The following DBNL variants were observed in gnomAD, a reference collection of about 807,000 sequenced individuals.
DBNL encodes drebrin like.
In DBNL, 35 loss-of-function variants were observed where a neutral mutation model predicts 62.2. That is an observed-to-expected ratio of 0.56 (90% CI 0.43 to 0.75). DBNL has a LOEUF of 0.75. DBNL is among the 30% of genes least tolerant of loss of function. The pLI is 0.00. For missense variants in DBNL, 495 were observed against 578.4 expected (o/e 0.86, Z 1.48); for synonymous variants, 197 against 218.0 (o/e 0.90, Z 0.85).
At chr7:44,049,848 T>G (rs2128789929) in intron 1 of DBNL, 1 of 180,408 alleles carries the variant, frequency 5.5e-6, no homozygotes, top group Non-Finnish European at 1.2e-5. Context: ...ATATGTTTTG[T>G]CTCTTCAAAT....
intron 1 of DBNL, 67 bp from the exon 2 acceptor site, chr7:44,050,158 G>T: frequency 6.4e-7 from 1 of 1,559,296 alleles, no homozygotes; most frequent in Non-Finnish European, 8.8e-7. Context: ...GAAAGTCATG[G>T]TGGATACGGT....
intron 8 of DBNL, 149 bp downstream of exon 8, chr7:44,058,629 C>A: frequency 8.8e-7 from 1 of 1,130,892 alleles, no homozygotes; most frequent in African/African-American, 1.6e-5. Context: ...CAAGAGGTGG[C>A]AGTAGAGAGG....
chr7:44,064,635 A>C lies in DBNL; in HGVS notation c.*3719A>C. ...CTTCGAGTGCAGTCAGCCCCTGTGG[A>C]GTGTGTCCCAGTTACACAGAAATGG... On this transcript the variant is annotated 3_prime_UTR_variant, in exon 13 of 13. Coordinates refer to ENST00000448521, the MANE Select transcript of DBNL (RefSeq NM_001014436.3). The C allele has an allele frequency of 1.6e-6, 1 of 616,496 alleles. No individual in the cohort carries two copies. The highest frequency in any genetic ancestry group is 2.9e-6 in the Non-Finnish European group (1 of 343,692). 38.2% of individuals were successfully genotyped at this position (616,496 alleles called of 1,614,324 possible).
At position 44,059,956 on chromosome 7, in the gene DBNL, G is replaced by A. The variant is rs1046111048; in HGVS notation, c.1048-92G>A. 20 of 1,311,084 alleles carry A rather than the reference G, an allele frequency of 1.5e-5. No homozygotes were observed. In the Admixed American group the frequency reaches 2.0e-4, roughly 13 times the overall value. The allele number at this position is 1,311,084 out of a possible 1,614,324, so 81.2% of individuals were successfully genotyped here. ...AGCCTGTAGACTGCTTGCCCTCTGCGTACTCCCAGCTTGACCTGAGCCATG... is the reference window on the plus strand; with the variant it reads ...AGCCTGTAGACTGCTTGCCCTCTGCATACTCCCAGCTTGACCTGAGCCATG... On this transcript the variant is annotated intron_variant, in intron 11 of 12. Transcript: ENST00000448521. The surrounding 1 kb of genome is among the most constrained non-coding windows in gnomAD (Gnocchi z 4.1).
chr7:44,065,494 G>T lies in DBNL; in HGVS notation c.*4578G>T, dbSNP rs369660945. The T allele has an allele frequency of 1.2e-6, 2 of 1,614,028 alleles. No individual in the cohort carries two copies. Among genetic ancestry groups the T allele is most frequent in the Admixed American group, 3.3e-5 (2 of 60,030 alleles). ...GGTTCTCCTGGTTCCATGTGCTCTC[G>T]CCGTGCCGGACCATCACGAGGCGGT... On this transcript the variant is annotated 3_prime_UTR_variant, in exon 13 of 13. Coordinates refer to ENST00000448521, the MANE Select transcript of DBNL (RefSeq NM_001014436.3).
Position 44,067,819 on chromosome 7 carries a change from G to C in DBNL, c.*6903G>C, listed in dbSNP as rs2096162661. The C allele has an allele frequency of 6.6e-6, 1 of 152,278 alleles. No homozygotes were observed. The highest frequency in any genetic ancestry group is 2.1e-4 in the South Asian group (1 of 4,828). The allele number at this position is 152,278 out of a possible 1,614,324, so 9.4% of individuals were successfully genotyped here. ...TGGACAGATGCAGGAGCAGCTGTCA[G>C]TAGACAGATAAGAAAAGGAGATCAG... On this transcript the variant is annotated 3_prime_UTR_variant, in exon 13 of 13. Coordinates refer to ENST00000448521, the MANE Select transcript of DBNL (RefSeq NM_001014436.3).
intron 8 of DBNL, 198 bp downstream of exon 8, chr7:44,058,678 G>C (rs2096141776): frequency 1.2e-6 from 1 of 843,478 alleles, no homozygotes; most frequent in South Asian, 1.8e-5. Context: ...GACCACACCT[G>C]GTCCTGGGGG....
In DBNL at chr7:44,065,574, T is replaced by G; in HGVS notation, c.*4658T>G. 6.4e-7 allele frequency: 1 copy of G among 1,563,846 alleles called. No individual in the cohort carries two copies. The highest frequency in any genetic ancestry group is 1.1e-5 in the South Asian group (1 of 90,114). ...GAGGACTCTGGACGGGGACGGCTGC[T>G]TCCCAACACTCCCAGCTTTATAATA... On this transcript the variant is annotated 3_prime_UTR_variant, in exon 13 of 13. Coordinates refer to ENST00000448521, the MANE Select transcript of DBNL (RefSeq NM_001014436.3).
Position 44,060,096 on chromosome 7 carries a change from G to C in DBNL, c.1096G>C (p.Gly366Arg), listed in dbSNP as rs760384042. Reference sequence around the variant, plus strand: ...TGAGCACATTGACCACCACATTCAGGGCCAGGGGCTCAGTGGGCAAGGGCT... The same window carrying C: ...TGAGCACATTGACCACCACATTCAGCGCCAGGGGCTCAGTGGGCAAGGGCT... ...GSEHIDHHIQ[G>R]QGLSGQGLCA... Residue 366 changes from glycine (G) to arginine (R), a missense_variant, in exon 12 of 13, where the codon GGC (glycine) becomes CGC (arginine). Coordinates refer to ENST00000448521, the MANE Select transcript of DBNL (RefSeq NM_001014436.3). This position sits in a 1 kb window ranked among gnomAD's most constrained non-coding sequence, Gnocchi z 6.3. The C allele has an allele frequency of 3.1e-6, 5 of 1,613,542 alleles. No individual in the cohort carries two copies.
In DBNL at chr7:44,060,822, G is replaced by T; in HGVS notation, c.1199G>T (p.Gly400Val). The T allele has an allele frequency of 6.2e-7, 1 of 1,614,082 alleles. No homozygotes were observed. Among genetic ancestry groups the T allele is most frequent in the South Asian group, 1.1e-5 (1 of 91,074 alleles). ...TTTGACCCCGAGAACCTCATCACGG[G>T]CATCGAGGTGATCGACGAAGGCTGG... ...ISFDPENLIT[G>V]IEVIDEGWWR... The change falls in exon 13 of 13, where the codon GGC becomes GTC. Residue 400 changes from glycine (G) to valine (V), a missense_variant. Gly to Val is a moderately radical substitution (Grantham distance 109, BLOSUM62 -3). Transcript: ENST00000448521. The surrounding 1 kb of genome is among the most constrained non-coding windows in gnomAD (Gnocchi z 6.3).
At chr7:44,052,676 C>T (rs1304486882) in intron 3 of DBNL, among the ~76,000 whole-genome samples, 191 bp from the exon 4 acceptor site, 1 of 152,070 alleles carries the variant, frequency 6.6e-6, no homozygotes, top group African/African-American at 2.4e-5. Flanking sequence ...CCATCCTGCC[C>T]AGGGAGAATC....
intron 4 of DBNL, among the ~76,000 whole-genome samples, chr7:44,055,047 G>T (rs2096133725): frequency 6.6e-6 from 1 of 152,160 alleles, no homozygotes; most frequent in South Asian, 2.1e-4. Context: ...TGGACGTTTT[G>T]GTTGATTCCG....
Position 44,068,394 on chromosome 7 carries a change from A to C in DBNL, c.*7478A>C, listed in dbSNP as rs953294275. The C allele has an allele frequency of 6.6e-6, 1 of 152,276 alleles. No homozygotes were observed. 9.4% of individuals were successfully genotyped at this position (152,276 alleles called of 1,614,324 possible). A position where few individuals can be genotyped will look rare whatever the true frequency, so the allele number is the denominator to read the frequency against. ...ATTGGCTTGCTGCCAAGCTGCGCACAGGGCTGACCCTAGATGCACATTGCA... is the reference window on the plus strand; with the variant it reads ...ATTGGCTTGCTGCCAAGCTGCGCACCGGGCTGACCCTAGATGCACATTGCA... On this transcript the variant is annotated 3_prime_UTR_variant, in exon 13 of 13. Coordinates refer to ENST00000448521, the MANE Select transcript of DBNL (RefSeq NM_001014436.3).
chr7:44,064,717 T>C lies in DBNL; in HGVS notation c.*3801T>C, dbSNP rs2096155727. ...TCAGCCCTCCTTTTTCAGTGAATGA[T>C]GTGGAGCCCCACGCCTAGAAAGCCT... On this transcript the variant is annotated 3_prime_UTR_variant, in exon 13 of 13. Transcript: ENST00000448521. The C allele has an allele frequency of 2.2e-6, 2 of 911,734 alleles. No individual in the cohort carries two copies. 56.5% of individuals were successfully genotyped at this position (911,734 alleles called of 1,614,324 possible).
At chr7:44,049,242 C>T (rs915550125) in intron 1 of DBNL, among the ~76,000 whole-genome samples, 4 of 152,078 alleles carry the variant, frequency 2.6e-5, no homozygotes, top group South Asian at 2.1e-4. Context: ...CTGCAAGCCC[C>T]GCCTCCCGGG....
chr7:44,050,357 T>C, intron 2 of DBNL, 77 bp downstream of exon 2: 3 of 1,537,004 alleles, frequency 2.0e-6, no homozygotes, highest in Non-Finnish European at 2.7e-6. Flanking sequence ...CACTCAGCTG[T>C]CTTGGTCCAC....
chr7:44,050,613 A>T (rs2096124954), intron 2 of DBNL: 1 of 270,964 alleles, frequency 3.7e-6, no homozygotes, highest in Non-Finnish European at 7.4e-6. Flanking sequence ...AAGAAAGTCC[A>T]CAGACATATC....
chr7:44,059,131 C>T lies in DBNL; in HGVS notation c.835+148C>T. 1.0e-6 allele frequency: 1 copy of T among 954,772 alleles called. No homozygotes were observed. Among genetic ancestry groups the T allele is most frequent in the East Asian group, 2.6e-5 (1 of 38,214 alleles). 59.1% of individuals were successfully genotyped at this position (954,772 alleles called of 1,614,324 possible). A position where few individuals can be genotyped will look rare whatever the true frequency, so the allele number is the denominator to read the frequency against. On this transcript the variant is annotated intron_variant, in intron 9 of 12. Transcript: ENST00000448521. The surrounding 1 kb of genome is among the most constrained non-coding windows in gnomAD (Gnocchi z 4.1). Reference sequence around the variant, plus strand: ...AAGGGACACCTGGGGCCATTGACCTCATCAGTGACCACACTGGTCACCAGT... The same window carrying T: ...AAGGGACACCTGGGGCCATTGACCTTATCAGTGACCACACTGGTCACCAGT...
chr7:44,044,768 G>T lies in DBNL; in HGVS notation c.31G>T (p.Ala11Ser). Reference protein sequence around the residue: MAANLSRNGPALQEAYVRVVT... With the variant: MAANLSRNGPSLQEAYVRVVT... ...GGCGAACCTGAGCCGGAACGGGCCA[G>T]CGCTGCAAGAGGCCTACGTGCGGGT... is the stretch of plus-strand genomic sequence containing the variant. Residue 11 changes from alanine to serine, a missense_variant, in exon 1 of 13, where the codon GCG becomes TCG. Coordinates refer to ENST00000448521, the MANE Select transcript of DBNL (RefSeq NM_001014436.3). The T allele has an allele frequency of 2.0e-6, 3 of 1,509,148 alleles. No homozygotes were observed. Among genetic ancestry groups the T allele is most frequent in the Non-Finnish European group, 1.8e-6 (2 of 1,129,872 alleles). 93.5% of individuals were successfully genotyped at this position (1,509,148 alleles called of 1,614,324 possible). A position where few individuals can be genotyped will look rare whatever the true frequency, so the allele number is the denominator to read the frequency against.
Sources: allele counts gnomAD v4.1 joint callset (sites outside exome capture counted in the v4.1 genomes callset), GRCh38; gene constraint gnomAD v4.1.1; non-coding constraint Gnocchi (gnomAD v3.1); transcripts MANE v1.5; gene names NCBI Gene and HGNC (gene_info 2026-07-23, HGNC 2026-07-21).